The following TBCCD1 variants were observed in gnomAD, a reference collection of about 807,000 sequenced individuals.
TBCCD1 encodes the protein TBCC domain-containing protein 1.
A neutral mutation model predicts 53.4 loss-of-function variants in TBCCD1; 26 were observed. The observed-to-expected ratio is 0.49, with a 90% confidence interval of 0.36 to 0.68. The LOEUF is 0.68. Ranked by LOEUF, TBCCD1 falls within the 30% of genes least tolerant of loss-of-function variation. TBCCD1 has a pLI of 0.00. For missense variants in TBCCD1, 558 were observed against 669.5 expected (o/e 0.83, Z 1.84); for synonymous variants, 245 against 241.7 (o/e 1.01, Z -0.13).
At chr3:186,556,813 G>A in intron 3 of TBCCD1, 38 bp from the exon 4 acceptor site, 2 of 1,570,460 alleles carry the variant, frequency 1.3e-6, no homozygotes, top group South Asian at 1.2e-5. Flanking sequence ...TTAATAAAGA[G>A]ATTCCACAAG....
intron 2 of TBCCD1, among the ~76,000 whole-genome samples, chr3:186,562,696 G>C (rs6805021): frequency 0.055 from 8,273 of 150,448 alleles, 786 homozygotes; most frequent in African/African-American, 0.19. Context: ...GTTCTTAACA[G>C]ATACACACAC....
intron 3 of TBCCD1, 103 bp downstream of exon 3, chr3:186,558,314 C>A: frequency 2.2e-6 from 3 of 1,367,870 alleles, no homozygotes; most frequent in Non-Finnish European, 3.0e-6. Context: ...GCCATCAAAT[C>A]ACTGGCTTAT....
At chr3:186,564,974 T>A (rs563130138) in intron 1 of TBCCD1, among the ~76,000 whole-genome samples, 2 of 152,236 alleles carry the variant, frequency 1.3e-5, no homozygotes, top group Admixed American at 6.5e-5. Flanking sequence ...TGTGATTTTT[T>A]AGATTTTTTT....
chr3:186,555,392 T>C (rs552148429), intron 4 of TBCCD1, among the ~76,000 whole-genome samples: 84 of 152,336 alleles, frequency 5.5e-4, no homozygotes, highest in African/African-American at 1.9e-3. Flanking sequence ...CCTAAGGTCA[T>C]ATGGCTAGTA....
At chr3:186,563,612 C>T (rs1714743287) in intron 2 of TBCCD1, among the ~76,000 whole-genome samples, 1 of 152,180 alleles carries the variant, frequency 6.6e-6, no homozygotes, top group Admixed American at 6.5e-5. Flanking sequence ...AACATTACTG[C>T]TTTGGGAGTA....
intron 7 of TBCCD1, among the ~76,000 whole-genome samples, chr3:186,547,547 C>G (rs150807188): frequency 1.3e-5 from 2 of 151,594 alleles, no homozygotes; most frequent in African/African-American, 2.4e-5. Context: ...TAGGCCACTG[C>G]GCTCAGCCAA....
At chr3:186,553,909 A>G (rs1330649416) in intron 6 of TBCCD1, among the ~76,000 whole-genome samples, 1 of 151,778 alleles carries the variant, frequency 6.6e-6, no homozygotes, top group Admixed American at 6.6e-5. Context: ...GTGCAATGGC[A>G]CGATCTTGGC....
intron 4 of TBCCD1, 141 bp downstream of exon 4, chr3:186,556,268 A>T: frequency 1.1e-6 from 1 of 887,562 alleles, no homozygotes; most frequent in South Asian, 2.2e-5. Flanking sequence ...TGCACAAAAG[A>T]CAGATGTTCC....
intron 1 of TBCCD1, among the ~76,000 whole-genome samples, chr3:186,565,507 T>C (rs917008684): frequency 1.3e-5 from 2 of 152,234 alleles, no homozygotes; most frequent in African/African-American, 2.4e-5. Context: ...AAAAGCTTTA[T>C]AGTATTCTAA....
rs74727703 is a variant in TBCCD1, at chr3:186,560,025, T to C, written c.337-1453A>G. Among the ~76,000 whole-genome samples the C allele has an allele frequency of 6.9e-3, 1,045 of 152,338 alleles. 12 individuals carry two copies. The highest frequency in any genetic ancestry group is 0.024 in the African/African-American group (989 of 41,568). On this transcript the variant is annotated intron_variant, in intron 2 of 7. Transcript: ENST00000338733. ...AGAACATTAGGTAAATAGAATCATATAGTATGTAACCTCTTGGGATTGGCT... is the reference window on the plus strand; with the variant it reads ...AGAACATTAGGTAAATAGAATCATACAGTATGTAACCTCTTGGGATTGGCT...
chr3:186,563,853 C>T lies in TBCCD1; in HGVS notation c.336+141G>A, dbSNP rs536272246. ...CCGAGGCAGGAAGACTGCTTGAAGC[C>T]GGGAGTTCAAGACCAGCCTGGGCAA... is the stretch of plus-strand genomic sequence containing the variant. On this transcript the variant is annotated intron_variant, in intron 2 of 7. Coordinates refer to ENST00000338733, the MANE Select transcript of TBCCD1 (RefSeq NM_018138.5). 42 of 980,250 alleles carry T rather than the reference C, an allele frequency of 4.3e-5. No individual in the cohort carries two copies. The African/African-American group carries it at 5.3e-4, about 12-fold the overall frequency. 60.7% of individuals were successfully genotyped at this position (980,250 alleles called of 1,614,324 possible). A position where few individuals can be genotyped will look rare whatever the true frequency, so the allele number is the denominator to read the frequency against.
chr3:186,555,190 C>T lies in TBCCD1; in HGVS notation c.860-106G>A. ...ATGTATATATGTCTCAAATTAGATA[C>T]CACATGTAGGGACAAAAACGTTAGA... On this transcript the variant is annotated intron_variant, in intron 4 of 7. Coordinates refer to ENST00000338733, the MANE Select transcript of TBCCD1 (RefSeq NM_018138.5). The T allele has an allele frequency of 1.8e-6, 2 of 1,082,464 alleles. 1 individual carries two copies. The highest frequency in any genetic ancestry group is 4.0e-5 in the South Asian group (2 of 49,554). The allele number at this position is 1,082,464 out of a possible 1,614,324, so 67.1% of individuals were successfully genotyped here. A position where few individuals can be genotyped will look rare whatever the true frequency, so the allele number is the denominator to read the frequency against.
Position 186,564,161 on chromosome 3 carries a change from A to G in TBCCD1, c.169T>C (p.Trp57Arg), listed in dbSNP as rs1714760387. 6.2e-7 allele frequency: 1 copy of G among 1,614,190 alleles called. No individual in the cohort carries two copies. The change falls in exon 2 of 8, where the codon TGG (tryptophan) becomes CGG (arginine). Residue 57 changes from tryptophan (W) to arginine (R), a missense_variant. Physicochemically the swap from Trp to Arg is moderately radical, Grantham distance 101. Coordinates refer to ENST00000338733, the MANE Select transcript of TBCCD1 (RefSeq NM_018138.5). ...GAYPRLYWST[W>R]RHIACGKLQL... ...AGCTTCCCACAAGCGATGTGCCTCC[A>G]TGTAGACCAGTAGAGGCGCGGGTAA...
At position 186,551,053 on chromosome 3, in the gene TBCCD1, A is replaced by T. The variant is rs1210970220; in HGVS notation, c.*21+76T>A. The T allele has an allele frequency of 2.0e-6, 3 of 1,519,088 alleles. No homozygotes were observed. The Admixed American group carries it at 6.1e-5, about 31-fold the overall frequency. 94.1% of individuals were successfully genotyped at this position (1,519,088 alleles called of 1,614,324 possible). A position where few individuals can be genotyped will look rare whatever the true frequency, so the allele number is the denominator to read the frequency against. On this transcript the variant is annotated intron_variant, in intron 7 of 7. Coordinates refer to ENST00000338733, the MANE Select transcript of TBCCD1 (RefSeq NM_018138.5). Reference sequence around the variant, plus strand: ...GAAAAAATTTGGGCATGTTTAGTATATAATATTCTGTGCCTTTTTTTTATG... The same window carrying T: ...GAAAAAATTTGGGCATGTTTAGTATTTAATATTCTGTGCCTTTTTTTTATG...
At chr3:186,569,303 T>C (rs1016691114), upstream of TBCCD1, among the ~76,000 whole-genome samples, 1 of 142,514 alleles carries the variant, frequency 7.0e-6, no homozygotes, top group African/African-American at 2.8e-5. Flanking sequence ...GATTTGACTT[T>C]TATTTTTTAT....
chr3:186,555,149 G>C, intron 4 of TBCCD1, 65 bp from the exon 5 acceptor site: 2 of 1,449,632 alleles, frequency 1.4e-6, no homozygotes, highest in East Asian at 2.3e-5. Context: ...ACAAACATAT[G>C]AGGTTACACG....
At chr3:186,569,262 C>T (rs73057502), upstream of TBCCD1, among the ~76,000 whole-genome samples, 41,205 of 151,850 alleles carry the variant, frequency 0.27, 7,147 homozygotes, top group African/African-American at 0.49. Context: ...AATGAAGAGC[C>T]ATTCCAGGCT....
rs565006400 is a variant in TBCCD1 at position 186,556,441 on chromosome 3, T to C, written c.827A>G (p.Lys276Arg). 3 of 1,601,350 alleles carry C rather than the reference T, an allele frequency of 1.9e-6. No individual in the cohort carries two copies. The highest frequency in any genetic ancestry group is 1.7e-4 in the Middle Eastern group (1 of 5,758). ...GNPFGTSACL[K>R]SGKKLAWAHQ... ...AGCCCAAGCCAATTTCTTTCCAGAC[T>C]TGAGGCAAGCTGATGTACCAAATGG... The change falls in exon 4 of 8, where the codon AAG (lysine) becomes AGG (arginine). Residue 276 changes from lysine (K) to arginine (R), a missense_variant. Lys to Arg is a conservative substitution (Grantham distance 26, BLOSUM62 2). Coordinates refer to ENST00000338733, the MANE Select transcript of TBCCD1 (RefSeq NM_018138.5).
intron 2 of TBCCD1, among the ~76,000 whole-genome samples, chr3:186,562,998 T>C (rs1241193777): frequency 6.6e-6 from 1 of 152,190 alleles, no homozygotes; most frequent in Non-Finnish European, 1.5e-5. Flanking sequence ...AGCCCACATG[T>C]AAAATGGGCA....
Sources: allele counts gnomAD v4.1 joint callset (sites outside exome capture counted in the v4.1 genomes callset), GRCh38; gene constraint gnomAD v4.1.1; transcripts MANE v1.5; gene names NCBI Gene and HGNC (gene_info 2026-07-23, HGNC 2026-07-21).